The following APP variants were observed in gnomAD, a reference collection of about 807,000 sequenced individuals.
The protein encoded by APP is amyloid-beta precursor protein.
Under a neutral mutation model 101.4 loss-of-function variants are expected in APP, and 31 were observed. The observed-to-expected ratio is 0.31, with a 90% CI of 0.23 to 0.41. The LOEUF is 0.41. Ranked by LOEUF, APP falls within the 10% of genes least tolerant of loss-of-function variation. The pLI is 1.00. For missense variants in APP, 839 were observed against 1,003.7 expected (o/e 0.84, Z 2.22); for synonymous variants, 366 against 364.4 (o/e 1.00, Z -0.05).
At chr21:26,034,441 G>A (rs912171939) in intron 5 of APP, among the ~76,000 whole-genome samples, 9 of 151,736 alleles carry the variant, frequency 5.9e-5, no homozygotes, top group Non-Finnish European at 7.4e-5. Context: ...ACAGGAGATC[G>A]AGACCATCCT....
chr21:26,120,781 G>A (rs1302865029), intron 1 of APP, among the ~76,000 whole-genome samples: 1 of 152,116 alleles, frequency 6.6e-6, no homozygotes. Context: ...AAATCTGAAA[G>A]CAATCTAATG....
At chr21:26,059,000 G>C (rs1223827478) in intron 3 of APP, among the ~76,000 whole-genome samples, 1 of 151,722 alleles carries the variant, frequency 6.6e-6, no homozygotes, top group South Asian at 2.1e-4. Flanking sequence ...AGAATGGCGT[G>C]AACCCGGGAG....
At chr21:25,994,815 CT>C (rs2042991598) in intron 8 of APP, among the ~76,000 whole-genome samples, 1 of 152,216 alleles carries the variant, frequency 6.6e-6, no homozygotes, top group Non-Finnish European at 1.5e-5. Flanking sequence ...ATGACCATGA[CT>C]TTTTCAAATC....
intron 1 of APP, among the ~76,000 whole-genome samples, chr21:26,144,719 C>G (rs1466238838): frequency 1.3e-5 from 2 of 152,156 alleles, no homozygotes; most frequent in Non-Finnish European, 2.9e-5. Context: ...AAGAACAGTT[C>G]CACTAAACTG....
At chr21:25,992,168 A>C (rs1289863962) in intron 8 of APP, among the ~76,000 whole-genome samples, 3 of 152,220 alleles carry the variant, frequency 2.0e-5, no homozygotes, top group Admixed American at 6.5e-5. Context: ...GGATCACTTC[A>C]GGTCAGGAGT....
Position 26,170,729 on chromosome 21 carries a change from C to CGGAGGA in APP, c.-110_-109insTCCTCC. The CGGAGGA allele has an allele frequency of 8.4e-7, 1 of 1,188,546 alleles. No individual in the cohort carries two copies. The allele number at this position is 1,188,546 out of a possible 1,614,324, so 73.6% of individuals were successfully genotyped here. ...CCGTCTCCCGGGGCCCCCGCGCACG[C>CGGAGGA]TCCTCCGCGTGCTCTCGCCTACCGC... On this transcript the variant is annotated 5_prime_UTR_variant, in exon 1 of 18. Transcript: ENST00000346798.
At chr21:26,009,419 C>G (rs2043681021) in intron 6 of APP, among the ~76,000 whole-genome samples, 1 of 152,112 alleles carries the variant, frequency 6.6e-6, no homozygotes, top group South Asian at 2.1e-4. Context: ...TTTTCTTACT[C>G]ATATTAAGAC....
intron 11 of APP, among the ~76,000 whole-genome samples, chr21:25,969,502 T>A (rs558734281): frequency 3.3e-5 from 5 of 151,924 alleles, no homozygotes; most frequent in Non-Finnish European, 7.4e-5. Flanking sequence ...TAATGCCCCC[T>A]AGACTCCAGG....
At chr21:26,144,279 A>C (rs1220025467) in intron 1 of APP, among the ~76,000 whole-genome samples, 1 of 152,186 alleles carries the variant, frequency 6.6e-6, no homozygotes, top group Non-Finnish European at 1.5e-5. Flanking sequence ...GTGGGGATGG[A>C]GCCAAACCAC....
At chr21:26,023,814 A>T (rs2044453424) in intron 5 of APP, among the ~76,000 whole-genome samples, 1 of 152,226 alleles carries the variant, frequency 6.6e-6, no homozygotes, top group South Asian at 2.1e-4. Context: ...TGCATTTCAA[A>T]TTCCCAGGTA....
At chr21:25,946,296 G>A (rs1367883861) in intron 13 of APP, among the ~76,000 whole-genome samples, 1 of 152,156 alleles carries the variant, frequency 6.6e-6, no homozygotes. Context: ...CCTACAGAAT[G>A]GGTAAAATAT....
chr21:26,163,749 C>G (rs911328970), intron 1 of APP, among the ~76,000 whole-genome samples: 6 of 152,160 alleles, frequency 3.9e-5, no homozygotes, highest in African/African-American at 1.2e-4. Flanking sequence ...TTTTTCCCTG[C>G]GTTCATCATC....
intron 11 of APP, among the ~76,000 whole-genome samples, chr21:25,968,088 T>C (rs1378385218): frequency 6.6e-6 from 1 of 151,914 alleles, no homozygotes; most frequent in Non-Finnish European, 1.5e-5. Flanking sequence ...TCTGCTCAAC[T>C]TTTTTTTCCC....
chr21:25,993,603 T>C (rs895563876), intron 8 of APP, among the ~76,000 whole-genome samples: 1 of 152,216 alleles, frequency 6.6e-6, no homozygotes, highest in African/African-American at 2.4e-5. Context: ...GTCTAACAAA[T>C]TCAATTTCAA....
chr21:25,993,588 C>A (rs2042950180), intron 8 of APP, among the ~76,000 whole-genome samples: 1 of 152,214 alleles, frequency 6.6e-6, no homozygotes, highest in East Asian at 1.9e-4. Flanking sequence ...AGAGCTTGGA[C>A]AATAGTCTAA....
chr21:26,056,706 A>C (rs1490945681), intron 3 of APP, among the ~76,000 whole-genome samples: 1 of 152,232 alleles, frequency 6.6e-6, no homozygotes, highest in Non-Finnish European at 1.5e-5. Context: ...CACAAAGCTA[A>C]GAAATATGTG....
intron 11 of APP, among the ~76,000 whole-genome samples, chr21:25,972,719 A>G (rs1056204825): frequency 6.6e-6 from 1 of 152,122 alleles, no homozygotes; most frequent in Non-Finnish European, 1.5e-5. Context: ...ATTTTAAAGG[A>G]AATCTCTCAG....
At chr21:26,170,540 C>A (rs1350204682) in intron 1 of APP, 24 bp downstream of exon 1, 1 of 1,536,806 alleles carries the variant, frequency 6.5e-7, no homozygotes, top group Non-Finnish European at 8.7e-7. Context: ...AGCCTCCCCC[C>A]GCCTTCCGAG....
chr21:26,116,512 T>C (rs1208655110), intron 1 of APP, among the ~76,000 whole-genome samples: 6 of 152,236 alleles, frequency 3.9e-5, no homozygotes, highest in Non-Finnish European at 5.9e-5. Flanking sequence ...AGTTCTCTTG[T>C]TGTCCTTTCA....
Sources: allele counts gnomAD v4.1 joint callset (sites outside exome capture counted in the v4.1 genomes callset), GRCh38; gene constraint gnomAD v4.1.1; transcripts MANE v1.5; gene names NCBI Gene and HGNC (gene_info 2026-07-23, HGNC 2026-07-21).